The following NT5DC1 variants were observed in gnomAD, a reference collection of about 807,000 sequenced individuals.
The protein encoded by NT5DC1 is 5'-nucleotidase domain containing 1, also known as 5'-nucleotidase domain-containing protein 1.
In NT5DC1, 42 loss-of-function variants were observed where a neutral mutation model predicts 59.4. The ratio of observed to expected loss-of-function variants is 0.71; its 90% CI spans 0.55 to 0.92. The LOEUF is 0.92. NT5DC1 is among the 40% of genes least tolerant of loss of function. The pLI, the probability that NT5DC1 is intolerant of heterozygous loss-of-function variation, is 0.00. For missense variants in NT5DC1, 501 were observed against 537.1 expected (o/e 0.93, Z 0.66); for synonymous variants, 172 against 188.1 (o/e 0.91, Z 0.70).
intron 6 of NT5DC1, among the ~76,000 whole-genome samples, chr6:116,176,367 C>T (rs1389857868): frequency 6.6e-6 from 1 of 152,164 alleles, no homozygotes; most frequent in Non-Finnish European, 1.5e-5. Flanking sequence ...TTCTGTTGGG[C>T]CTGGAGGCAG....
intron 5 of NT5DC1, 55 bp downstream of exon 5, chr6:116,115,825 G>A: frequency 2.3e-6 from 2 of 868,060 alleles, no homozygotes; most frequent in South Asian, 1.5e-5. Context: ...ATAAATTGGA[G>A]GACCTAATTA....
rs187022174 is a variant in NT5DC1 at position 116,116,164 on chromosome 6, G to A, written c.444+394G>A. 3.1e-3 allele frequency among the ~76,000 whole-genome samples: 471 copies of A among 151,926 alleles called. 2 individuals carry two copies. Among genetic ancestry groups the A allele is most frequent in the African/African-American group, 1.0e-2 (414 of 41,428 alleles). On this transcript the variant is annotated intron_variant, in intron 5 of 11. Transcript: ENST00000319550. The stretch of plus-strand genomic sequence containing the variant: ...CTAAATAATATAAAATAGAAAAATC[G>A]GATGAAATTTAAAAATTCACCATTT...
intron 6 of NT5DC1, among the ~76,000 whole-genome samples, chr6:116,177,454 A>T (rs965204550): frequency 2.6e-5 from 4 of 152,188 alleles, no homozygotes; most frequent in African/African-American, 9.6e-5. Context: ...AAAATGGGTA[A>T]AAGTATATTC....
At chr6:116,201,329 T>A (rs1408465735) in intron 6 of NT5DC1, among the ~76,000 whole-genome samples, 1 of 152,050 alleles carries the variant, frequency 6.6e-6, no homozygotes, top group Non-Finnish European at 1.5e-5. Flanking sequence ...CAGTGAACAG[T>A]ATTGTTTATT....
chr6:116,241,458 G>A (rs1771712873), intron 11 of NT5DC1, among the ~76,000 whole-genome samples: 1 of 152,154 alleles, frequency 6.6e-6, no homozygotes, highest in African/African-American at 2.4e-5. Context: ...GTTCTAACAT[G>A]CTAGAATTAA....
At position 116,115,719 on chromosome 6, in the gene NT5DC1, T is replaced by A. The variant is rs767341879; in HGVS notation, c.393T>A (p.Phe131Leu). The change falls in exon 5 of 12, where the codon TTT becomes TTA. Residue 131 changes from phenylalanine to leucine, a missense_variant. By Grantham distance (22) the Phe-to-Leu change is conservative (BLOSUM62 0). Coordinates refer to ENST00000319550, the MANE Select transcript of NT5DC1 (RefSeq NM_152729.3). ...AGTATTACTTTTACGACAACTACTT[T>A]GACCTGCCAGGAGCTCTTCTGTGTG... ...SGKYYFYDNY[F>L]DLPGALLCAR... 1.2e-6 allele frequency: 2 copies of A among 1,604,376 alleles called. No homozygotes were observed. The highest frequency in any genetic ancestry group is 4.5e-5 in the East Asian group (2 of 44,782).
chr6:116,138,001 T>G (rs1208836024), intron 6 of NT5DC1, among the ~76,000 whole-genome samples: 2 of 151,882 alleles, frequency 1.3e-5, no homozygotes, highest in African/African-American at 2.4e-5. Flanking sequence ...TCGCTTGAAC[T>G]TGGGAGGCAG....
At chr6:116,204,069 G>T (rs1781397869) in intron 6 of NT5DC1, among the ~76,000 whole-genome samples, 1 of 151,836 alleles carries the variant, frequency 6.6e-6, no homozygotes, top group South Asian at 2.1e-4. Context: ...CTCACTTTGG[G>T]CAGTATAATT....
At chr6:116,206,609 C>G (rs1316906227) in intron 6 of NT5DC1, among the ~76,000 whole-genome samples, 2 of 152,018 alleles carry the variant, frequency 1.3e-5, no homozygotes, top group Non-Finnish European at 1.5e-5. Context: ...TCAACAGCAA[C>G]AGCTGTTTCT....
At chr6:116,236,229 G>T (rs1225301119) in intron 8 of NT5DC1, among the ~76,000 whole-genome samples, 1 of 152,220 alleles carries the variant, frequency 6.6e-6, no homozygotes, top group Non-Finnish European at 1.5e-5. Flanking sequence ...TCTGCTGATA[G>T]ATATATCATG....
chr6:116,177,226 G>T (rs2114464463), intron 6 of NT5DC1, among the ~76,000 whole-genome samples: 1 of 152,224 alleles, frequency 6.6e-6, no homozygotes, highest in Admixed American at 6.6e-5. Context: ...TAGTCTCATA[G>T]ATTATGTTTC....
intron 6 of NT5DC1, among the ~76,000 whole-genome samples, chr6:116,217,293 G>GT (rs1327940654): frequency 1.3e-5 from 2 of 152,070 alleles, no homozygotes; most frequent in African/African-American, 2.4e-5. Context: ...ACATTAACCA[G>GT]TTTTTTTAAC....
In NT5DC1 at chr6:116,244,146, T is replaced by C; in HGVS notation, c.*122T>C. 1 of 478,508 alleles carries C rather than the reference T, an allele frequency of 2.1e-6. No individual in the cohort carries two copies. Among genetic ancestry groups the C allele is most frequent in the East Asian group, 3.4e-5 (1 of 29,806 alleles). The allele number at this position is 478,508 out of a possible 1,614,324, so 29.6% of individuals were successfully genotyped here. A position where few individuals can be genotyped will look rare whatever the true frequency, so the allele number is the denominator to read the frequency against. On this transcript the variant is annotated 3_prime_UTR_variant, in exon 12 of 12. Transcript: ENST00000319550. ...TTATTGACCAATAAGTTGATATTTG[T>C]CCATAGGTCTCCTTTCTATAAATCA... is the stretch of plus-strand genomic sequence containing the variant.
At chr6:116,171,186 A>T (rs754150693) in intron 6 of NT5DC1, among the ~76,000 whole-genome samples, 26 of 152,270 alleles carry the variant, frequency 1.7e-4, no homozygotes, top group Middle Eastern at 3.4e-3. Flanking sequence ...TGACCCACTT[A>T]TATTATTGTC....
At chr6:116,108,932 A>T (rs1011901333) in intron 3 of NT5DC1, among the ~76,000 whole-genome samples, 2 of 152,088 alleles carry the variant, frequency 1.3e-5, no homozygotes, top group Non-Finnish European at 2.9e-5. Flanking sequence ...GTTTTTCTGG[A>T]CTGTTCCAAG....
intron 6 of NT5DC1, among the ~76,000 whole-genome samples, chr6:116,178,102 C>CAT (rs1562152458): frequency 3.2e-5 from 3 of 94,472 alleles, no homozygotes; most frequent in African/African-American, 1.9e-4. Flanking sequence ...CGCGCGCGCG[C>CAT]GTGCGTGCGT....
intron 6 of NT5DC1, among the ~76,000 whole-genome samples, chr6:116,146,792 G>A (rs1266395332): frequency 2.0e-5 from 3 of 151,896 alleles, no homozygotes; most frequent in Non-Finnish European, 1.5e-5. Context: ...GAAAAAGATA[G>A]CATTTCAGAT....
intron 11 of NT5DC1, among the ~76,000 whole-genome samples, chr6:116,242,341 CAAAAT>C (rs766540172): frequency 1.7e-4 from 26 of 151,466 alleles, no homozygotes; most frequent in Non-Finnish European, 3.7e-4. Flanking sequence ...ACTCTTGTCT[CAAAAT>C]AAAAATAAAA....
At chr6:116,184,936 T>G (rs1191592261) in intron 6 of NT5DC1, among the ~76,000 whole-genome samples, 2 of 152,106 alleles carry the variant, frequency 1.3e-5, no homozygotes, top group African/African-American at 2.4e-5. Context: ...TGGTTTGTTC[T>G]TATTTCTCTA....
Sources: allele counts gnomAD v4.1 joint callset (sites outside exome capture counted in the v4.1 genomes callset), GRCh38; gene constraint gnomAD v4.1.1; transcripts MANE v1.5; gene names NCBI Gene and HGNC (gene_info 2026-07-23, HGNC 2026-07-21).